FTO: variants seen among roughly 807,000 people sequenced by gnomAD.
FTO encodes the protein alpha-ketoglutarate-dependent dioxygenase FTO.
Under a neutral mutation model 63.9 loss-of-function variants are expected in FTO, and 47 were observed. That is an observed-to-expected ratio of 0.74 (90% CI 0.58 to 0.94). The LOEUF (loss-of-function observed/expected upper bound fraction) is 0.94, where lower values mean the gene tolerates loss of function less well. Ranked by LOEUF, FTO falls within the 40% of genes least tolerant of loss-of-function variation. The pLI is 0.00. For missense variants in FTO, 562 were observed against 618.1 expected, an observed-to-expected ratio of 0.91 and a Z score of 0.96; for synonymous variants, 207 against 224.4, an observed-to-expected ratio of 0.92 and a Z score of 0.69.
chr16:54,024,389 A>G (rs1225482900), intron 8 of FTO, among the ~76,000 whole-genome samples: 2 of 151,732 alleles, frequency 1.3e-5, no homozygotes, highest in African/African-American at 4.8e-5. Context: ...ACGCCCAGCT[A>G]ATTTTTTTTT....
At chr16:53,922,973 T>C (rs2082042697) in intron 7 of FTO, 3 of 152,194 alleles carry the variant, frequency 2.0e-5, no homozygotes, top group Admixed American at 6.5e-5. Flanking sequence ...AGACTAATTA[T>C]GCTGTTTCCT....
At chr16:54,086,207 G>A (rs1265509804) in intron 8 of FTO, among the ~76,000 whole-genome samples, 1 of 152,160 alleles carries the variant, frequency 6.6e-6, no homozygotes, top group East Asian at 1.9e-4. Context: ...ACACCTGACT[G>A]AAGCTGTTAT....
chr16:53,952,930 G>A (rs2082832756), intron 8 of FTO, among the ~76,000 whole-genome samples: 1 of 152,162 alleles, frequency 6.6e-6, no homozygotes, highest in African/African-American at 2.4e-5. Context: ...TTTTTGAGCG[G>A]TATTTATGAC....
chr16:53,764,502 G>A (rs1175121938), intron 1 of FTO, among the ~76,000 whole-genome samples: 2 of 147,730 alleles, frequency 1.4e-5, no homozygotes, highest in African/African-American at 2.5e-5. Flanking sequence ...GAAAAGAGGG[G>A]CTGAATTAAC....
chr16:53,893,185 C>G (rs906101424), intron 7 of FTO, among the ~76,000 whole-genome samples: 1 of 152,140 alleles, frequency 6.6e-6, no homozygotes, highest in African/African-American at 2.4e-5. Flanking sequence ...GCAACATAAC[C>G]CTTTCTTATA....
At chr16:53,739,442 C>T (rs56886863) in intron 1 of FTO, among the ~76,000 whole-genome samples, 9,568 of 150,996 alleles carry the variant, frequency 0.063, 418 homozygotes, top group East Asian at 0.25. Flanking sequence ...TCTTGATCTC[C>T]TGACCTTGTG....
At chr16:53,760,512 C>T (rs1282382663) in intron 1 of FTO, among the ~76,000 whole-genome samples, 1 of 151,942 alleles carries the variant, frequency 6.6e-6, no homozygotes, top group African/African-American at 2.4e-5. Context: ...TCCCAAAGTA[C>T]TGGGATTACA....
At chr16:53,958,314 A>C (rs886930182) in intron 8 of FTO, among the ~76,000 whole-genome samples, 1 of 152,182 alleles carries the variant, frequency 6.6e-6, no homozygotes, top group South Asian at 2.1e-4. Flanking sequence ...TTGTGAGTAT[A>C]GTTTCTTATG....
intron 4 of FTO, among the ~76,000 whole-genome samples, chr16:53,869,541 G>GTTTT (rs35983302): frequency 3.2e-5 from 4 of 125,242 alleles, no homozygotes; most frequent in African/African-American, 1.2e-4. Flanking sequence ...CCATAGTTCT[G>GTTTT]TTTTTTTTTT....
intron 8 of FTO, among the ~76,000 whole-genome samples, chr16:53,953,151 G>C (rs2082838576): frequency 6.6e-6 from 1 of 152,162 alleles, no homozygotes; most frequent in Admixed American, 6.5e-5. Context: ...GTATACTTTT[G>C]TCATTTCGAC....
At chr16:53,733,397 C>T (rs898817849) in intron 1 of FTO, among the ~76,000 whole-genome samples, 19 of 151,840 alleles carry the variant, frequency 1.3e-4, no homozygotes, top group East Asian at 3.9e-4. Flanking sequence ...AGCAAAACTC[C>T]GTCTCCAAAA....
At chr16:53,770,337 A>G (rs947546678) in intron 1 of FTO, among the ~76,000 whole-genome samples, 1 of 152,206 alleles carries the variant, frequency 6.6e-6, no homozygotes, top group African/African-American at 2.4e-5. Flanking sequence ...CCCAAGTACT[A>G]TCCAGTGATT....
At chr16:53,840,250 C>T (rs115726043) in intron 3 of FTO, among the ~76,000 whole-genome samples, 2 of 151,948 alleles carry the variant, frequency 1.3e-5, no homozygotes, top group Non-Finnish European at 2.9e-5. Flanking sequence ...TAGTGCCCCC[C>T]TAGAATGAAG....
chr16:53,845,065 CTT>C, intron 4 of FTO, among the ~76,000 whole-genome samples: 1 of 152,166 alleles, frequency 6.6e-6, no homozygotes, highest in South Asian at 2.1e-4. Flanking sequence ...GTTTGTGAGG[CTT>C]TGTTTTTTTC....
intron 8 of FTO, among the ~76,000 whole-genome samples, chr16:54,052,331 A>T (rs1324339289): frequency 6.6e-6 from 1 of 152,130 alleles, no homozygotes; most frequent in East Asian, 1.9e-4. Context: ...AGGGGGAAAA[A>T]GTTAAATATT....
At chr16:54,079,782 G>T (rs1184485321) in intron 8 of FTO, among the ~76,000 whole-genome samples, 1 of 152,170 alleles carries the variant, frequency 6.6e-6, no homozygotes, top group Admixed American at 6.5e-5. Flanking sequence ...GCCAGTTACC[G>T]TCATGGCAGA....
At chr16:53,913,924 A>T (rs982926398) in intron 7 of FTO, among the ~76,000 whole-genome samples, 9 of 151,422 alleles carry the variant, frequency 5.9e-5, no homozygotes, top group Non-Finnish European at 1.2e-4. Flanking sequence ...GGCTGCTGTG[A>T]GCCGAGACCA....
At chr16:53,975,397 T>G (rs1457004785) in intron 8 of FTO, among the ~76,000 whole-genome samples, 1 of 152,152 alleles carries the variant, frequency 6.6e-6, no homozygotes, top group Non-Finnish European at 1.5e-5. Context: ...CTTTCCAAAT[T>G]TAATACAATT....
intron 8 of FTO, among the ~76,000 whole-genome samples, chr16:54,017,369 TC>T (rs1299262062): frequency 7.9e-5 from 12 of 152,184 alleles, no homozygotes; most frequent in Admixed American, 2.6e-4. Context: ...TGCCAACAAT[TC>T]CTCTTAATTA....
Sources: gnomAD v4.1 joint callset for allele counts (sites outside exome capture counted in the v4.1 genomes callset) on GRCh38, gnomAD v4.1.1 for gene constraint, MANE v1.5 for transcripts, NCBI Gene and HGNC (gene_info 2026-07-23, HGNC 2026-07-21) for gene names.